MCM3AP: variants seen among roughly 807,000 people sequenced by gnomAD.
MCM3AP encodes the protein minichromosome maintenance complex component 3 associated protein, also known as germinal-center associated nuclear protein.
MCM3AP carries 126 observed loss-of-function variants against 184.1 expected under a neutral mutation model. The ratio of observed to expected loss-of-function variants is 0.68; its 90% confidence interval spans 0.59 to 0.79. The LOEUF (loss-of-function observed/expected upper bound fraction) is 0.79. Among genes scored for constraint, MCM3AP ranks in the 30% least tolerant of loss-of-function variants. The pLI is 0.00. For synonymous variants in MCM3AP, 1,002 were observed against 979.3 expected, an observed-to-expected ratio of 1.02 and a Z score of -0.43; for missense variants, 2,496 against 2,479.2, an observed-to-expected ratio of 1.01 and a Z score of -0.14.
chr21:46,271,044 A>C (rs1321388738), intron 8 of MCM3AP, among the ~76,000 whole-genome samples: 1 of 152,256 alleles, frequency 6.6e-6, no homozygotes, highest in Non-Finnish European at 1.5e-5. Flanking sequence ...AGTCTAAAAA[A>C]CAGAAAACTT....
At position 46,284,103 on chromosome 21, in the gene MCM3AP, T is replaced by C. The variant is rs2081368323; in HGVS notation, c.1184A>G (p.Lys395Arg). 4 of 1,613,848 alleles carry C rather than the reference T, an allele frequency of 2.5e-6. No individual in the cohort carries two copies. The highest frequency in any genetic ancestry group is 3.4e-6 in the Non-Finnish European group (4 of 1,179,946). The change falls in exon 1 of 28, where the codon AAA becomes AGA. Residue 395 changes from lysine to arginine, a missense_variant. By Grantham distance (26) the Lys-to-Arg change is conservative (BLOSUM62 2). Transcript: ENST00000291688. Reference protein sequence around the residue: ...LAPSRIPGVNKEEETESREKK... With the variant: ...LAPSRIPGVNREEETESREKK... ...CTCTCTACTTTCAGTTTCTTCCTCTTTATTCACACCTGGAATCCGGGAAGG... is the reference window on the plus strand; with the variant it reads ...CTCTCTACTTTCAGTTTCTTCCTCTCTATTCACACCTGGAATCCGGGAAGG...
chr21:46,265,567 G>A (rs745334670), intron 11 of MCM3AP, 44 bp from the exon 12 acceptor site: 26 of 1,475,482 alleles, frequency 1.8e-5, no homozygotes, highest in Non-Finnish European at 2.4e-5. Flanking sequence ...CAGACACAGG[G>A]TGCCTGGCAC....
chr21:46,283,513 T>C, intron 2 of MCM3AP, 102 bp downstream of exon 2: 1 of 710,436 alleles, frequency 1.4e-6, no homozygotes, highest in Non-Finnish European at 2.4e-6. Flanking sequence ...ACTTTCTCTA[T>C]ATTATAGTAA....
intron 5 of MCM3AP, among the ~76,000 whole-genome samples, chr21:46,275,564 C>T (rs2081245446): frequency 6.6e-6 from 1 of 152,166 alleles, no homozygotes; most frequent in African/African-American, 2.4e-5. Context: ...CTAACAGTCA[C>T]AGACCCTCAC....
rs1569054787 is a variant in MCM3AP, at chr21:46,245,199, TGAGAAGA to T, written c.4648-9_4648-3del. On this transcript the variant is annotated splice_region_variant and splice_polypyrimidine_tract_variant and intron_variant, in intron 22 of 27. Coordinates refer to ENST00000291688, the MANE Select transcript of MCM3AP (RefSeq NM_003906.5). ...CAGCCACTGCACTGCTTGCAAAACC[TGAGAAGA>T]AAGAAGAGACTTGGTTGAACAATTC... is the stretch of plus-strand genomic sequence containing the variant. 6.3e-7 allele frequency: 1 copy of T among 1,576,344 alleles called. No individual in the cohort carries two copies. Among genetic ancestry groups the T allele is most frequent in the Non-Finnish European group, 8.6e-7 (1 of 1,163,778 alleles).
intron 20 of MCM3AP, chr21:46,249,485 G>A (rs898944481): frequency 5.3e-5 from 22 of 413,500 alleles, no homozygotes; most frequent in African/African-American, 8.3e-5. Flanking sequence ...CACTATGCGC[G>A]GCCAGGAAAA....
At chr21:46,249,728 C>G (rs527407550) in intron 20 of MCM3AP, 5 of 389,780 alleles carry the variant, frequency 1.3e-5, no homozygotes, top group Non-Finnish European at 2.5e-5. Flanking sequence ...GAGCAAGCAC[C>G]TGGCCTGTGC....
At chr21:46,237,602 T>C (rs1601474676) in intron 26 of MCM3AP, among the ~76,000 whole-genome samples, 1 of 111,752 alleles carries the variant, frequency 8.9e-6, no homozygotes, top group Non-Finnish European at 1.8e-5. Flanking sequence ...TTTGCTGTAT[T>C]GTCAGGCTAG....
chr21:46,235,330 T>C lies in MCM3AP; in HGVS notation c.5881A>G (p.Arg1961Gly), dbSNP rs754285154. Reference protein sequence around the residue: ...KHLERLIRSSREEEVASELHL... With the variant: ...KHLERLIRSSGEEEVASELHL... ...AGCTCAGAGGCAACTTCCTCTTCCC[T>C]TGAACTCCGGATCAGCCTTTCCAGG... is the stretch of plus-strand genomic sequence containing the variant. The change falls in exon 28 of 28, where the codon AGG becomes GGG. Residue 1961 changes from arginine (R) to glycine (G), a missense_variant. Arg to Gly is a moderately radical substitution (Grantham distance 125). This residue lies in a region of MCM3AP where 1,323 missense variants were observed against 1,273.4 expected (regional missense o/e 1.04). Coordinates refer to ENST00000291688, the MANE Select transcript of MCM3AP (RefSeq NM_003906.5). The C allele has an allele frequency of 4.3e-6, 7 of 1,614,188 alleles. No homozygotes were observed. The East Asian group carries it at 8.9e-5, about 21-fold the overall frequency.
At chr21:46,256,726 C>T in intron 17 of MCM3AP, 63 bp downstream of exon 17, 1 of 1,516,814 alleles carries the variant, frequency 6.6e-7, no homozygotes. Flanking sequence ...ATTAATTCCG[C>T]TCCTGGTAAA....
chr21:46,257,687 G>A (rs1056799902), intron 16 of MCM3AP, among the ~76,000 whole-genome samples: 10 of 151,586 alleles, frequency 6.6e-5, no homozygotes, highest in South Asian at 2.1e-4. Flanking sequence ...TTGGGAGGCC[G>A]AGGCGGGCGG....
In MCM3AP at chr21:46,251,660, CT is replaced by C; in HGVS notation, c.4158del (p.Val1387SerfsTer36). ...GAGCCTTCATCTCCCATGAACTTGA[CT>C]TTTAACCAATTTGCTAGAATTCTAC... ...SCGRILANWLKVKFMGDEGSV... is the reference protein window; with the variant it reads ...SCGRILANWLXVKFMGDEGSV... On this transcript the variant is annotated frameshift_variant, in exon 20 of 28. Coordinates refer to ENST00000291688, the MANE Select transcript of MCM3AP (RefSeq NM_003906.5). LOFTEE classifies it high-confidence loss of function. 6.3e-7 allele frequency: 1 copy of C among 1,591,990 alleles called. No individual in the cohort carries two copies. The highest frequency in any genetic ancestry group is 8.6e-7 in the Non-Finnish European group (1 of 1,162,538).
intron 12 of MCM3AP, among the ~76,000 whole-genome samples, 158 bp from the exon 13 acceptor site, chr21:46,264,375 C>T (rs758318120): frequency 5.3e-5 from 8 of 152,176 alleles, no homozygotes; most frequent in African/African-American, 9.7e-5. Flanking sequence ...TGTCCCCTAG[C>T]GAATGGAAAG....
At chr21:46,245,562 A>G (rs2080752484) in intron 22 of MCM3AP, among the ~76,000 whole-genome samples, 1 of 152,280 alleles carries the variant, frequency 6.6e-6, no homozygotes, top group Admixed American at 6.5e-5. Flanking sequence ...CAGCTTCACT[A>G]TGTGCCAAGG....
intron 11 of MCM3AP, 143 bp from the exon 12 acceptor site, chr21:46,265,666 G>A: frequency 1.3e-6 from 1 of 762,576 alleles, no homozygotes; most frequent in Non-Finnish European, 2.1e-6. Flanking sequence ...CCAGCTACGT[G>A]GGACAACATA....
intron 4 of MCM3AP, 145 bp downstream of exon 4, chr21:46,279,848 T>A: frequency 4.4e-6 from 3 of 683,928 alleles, no homozygotes; most frequent in Non-Finnish European, 6.8e-6. Context: ...GCAGAGCCCC[T>A]GCCCCTCCAC....
chr21:46,239,459 G>A (rs1402532350), intron 26 of MCM3AP, among the ~76,000 whole-genome samples: 8 of 152,230 alleles, frequency 5.3e-5, no homozygotes, highest in Non-Finnish European at 1.0e-4. Flanking sequence ...TAGGATATGT[G>A]AATGGGCTGA....
chr21:46,270,316 G>A, intron 9 of MCM3AP, 85 bp downstream of exon 9: 1 of 1,359,028 alleles, frequency 7.4e-7, no homozygotes, highest in Non-Finnish European at 1.0e-6. Context: ...GACCTCCTTT[G>A]AAAAGCTTGG....
intron 13 of MCM3AP, among the ~76,000 whole-genome samples, chr21:46,263,202 T>C (rs766464878): frequency 2.0e-5 from 3 of 149,726 alleles, no homozygotes; most frequent in Non-Finnish European, 3.0e-5. Context: ...TGGTGACAGG[T>C]GCCTGTAATC....
Sources: gnomAD v4.1 joint callset for allele counts (sites outside exome capture counted in the v4.1 genomes callset) on GRCh38, gnomAD v4.1.1 for gene constraint, gnomAD v4.1.1 regional missense constraint, MANE v1.5 for transcripts, NCBI Gene and HGNC (gene_info 2026-07-23, HGNC 2026-07-21) for gene names.